KIF27: variants seen among roughly 807,000 people sequenced by gnomAD.
The protein encoded by KIF27 is kinesin-like protein KIF27.
KIF27 carries 84 observed loss-of-function variants against 141.8 expected under a neutral mutation model. The observed-to-expected ratio is 0.59, with a 90% CI of 0.50 to 0.71. KIF27 has a LOEUF of 0.71. Among genes scored for constraint, KIF27 ranks in the 30% least tolerant of loss-of-function variants. KIF27 has a pLI of 0.00. For synonymous variants in KIF27, 471 were observed against 569.5 expected (o/e 0.83, Z 2.46); for missense variants, 1,306 against 1,628.4 (o/e 0.80, Z 3.41).
chr9:83,839,165 T>TAA (rs202002804), intron 17 of KIF27, among the ~76,000 whole-genome samples: 2 of 148,782 alleles, frequency 1.3e-5, no homozygotes, highest in Non-Finnish European at 3.0e-5. Flanking sequence ...ACCCCAACTC[T>TAA]AAAAAAAAAA....
intron 3 of KIF27, among the ~76,000 whole-genome samples, chr9:83,906,740 T>G (rs1003356103): frequency 1.3e-4 from 16 of 120,132 alleles, no homozygotes; most frequent in African/African-American, 5.3e-4. Flanking sequence ...TAAGACCCTG[T>G]CTCCAAAAAA....
At chr9:83,878,731 T>C (rs1034098167) in intron 11 of KIF27, among the ~76,000 whole-genome samples, 1 of 152,186 alleles carries the variant, frequency 6.6e-6, no homozygotes, top group Non-Finnish European at 1.5e-5. Context: ...GATTAGAGAT[T>C]ACCAAGAGCT....
In KIF27 at chr9:83,848,139, G is replaced by C. The variant is rs1304539714; in HGVS notation, c.3556+1960C>G. Among the ~76,000 whole-genome samples the C allele has an allele frequency of 5.2e-5, 3 of 58,030 alleles. 1 individual carries two copies. The highest frequency in any genetic ancestry group is 2.1e-4 in the African/African-American group (2 of 9,500). The allele number at this position is 58,030 out of a possible 152,430, so 38.1% of individuals were successfully genotyped here. ...CTGATATATCTGATATCTCATATAT[G>C]ATATATCTGATATATCATATATGAT... On this transcript the variant is annotated intron_variant, in intron 16 of 17. Transcript: ENST00000297814.
chr9:83,899,762 G>C lies in KIF27; in HGVS notation c.1501C>G (p.Leu501Val). ...TGATTCTTCAGTTCCTTCACCTCCA[G>C]TTCCTTCTGATTAAATACTACTTCA... Reference protein sequence around the residue: ...ADEVVFNQKELEVKELKNQVQ... With the variant: ...ADEVVFNQKEVEVKELKNQVQ... The change falls in exon 5 of 18, where the codon CTG (leucine) becomes GTG (valine). Residue 501 changes from leucine to valine, a missense_variant. Around this residue, in one of 4 missense-constraint regions of KIF27, gnomAD observed 29 missense variants for 60.3 expected, o/e 0.48. Coordinates refer to ENST00000297814, the MANE Select transcript of KIF27 (RefSeq NM_017576.4). 2 of 1,613,498 alleles carry C rather than the reference G, an allele frequency of 1.2e-6. No homozygotes were observed. The highest frequency in any genetic ancestry group is 1.7e-6 in the Non-Finnish European group (2 of 1,179,624).
In KIF27 at chr9:83,837,360, C is replaced by T; in HGVS notation, c.3847G>A (p.Ala1283Thr). The T allele has an allele frequency of 6.2e-7, 1 of 1,609,730 alleles. No homozygotes were observed. Among genetic ancestry groups the T allele is most frequent in the Non-Finnish European group, 8.5e-7 (1 of 1,176,376 alleles). The change falls in exon 18 of 18, where the codon GCA becomes ACA. Residue 1283 changes from alanine (A) to threonine (T), a missense_variant. This residue lies in a region of KIF27 where 148 missense variants were observed against 250.9 expected (regional missense o/e 0.59). Transcript: ENST00000297814. Reference sequence around the variant, plus strand: ...TTTGGCTGTGTTCTTAAGCTGCTTGCTGAACTGTCCATTTCTCTTTCTCTT... The same window carrying T: ...TTTGGCTGTGTTCTTAAGCTGCTTGTTGAACTGTCCATTTCTCTTTCTCTT... ...SGREREMDSS[A>T]SSLRTQPNPQ...
chr9:83,842,448 G>A (rs754467403), intron 16 of KIF27, 47 bp from the exon 17 acceptor site: 3 of 1,465,350 alleles, frequency 2.0e-6, no homozygotes, highest in Admixed American at 2.7e-5. Flanking sequence ...AATAAATGAT[G>A]CAAAATTATG....
rs186821401 is a variant in KIF27, at chr9:83,850,869, G to T, written c.3358-572C>A. On this transcript the variant is annotated intron_variant, in intron 15 of 17. Coordinates refer to ENST00000297814, the MANE Select transcript of KIF27 (RefSeq NM_017576.4). The stretch of plus-strand genomic sequence containing the variant: ...TTTTTTTTTTTTTTTGAGGAGTCTC[G>T]CTCTGTCATCCAAGCTGGAGTGCAG... Among the ~76,000 whole-genome samples the T allele has an allele frequency of 2.2e-3, 229 of 102,232 alleles. 1 individual carries two copies. Among genetic ancestry groups the T allele is most frequent in the African/African-American group, 8.3e-3 (208 of 25,182 alleles). 67.1% of individuals were successfully genotyped at this position (102,232 alleles called of 152,430 possible).
intron 3 of KIF27, among the ~76,000 whole-genome samples, chr9:83,905,413 C>G (rs1320573506): frequency 6.6e-6 from 1 of 152,086 alleles, no homozygotes; most frequent in African/African-American, 2.4e-5. Context: ...CCACCGCACC[C>G]GGCCTATATC....
intron 2 of KIF27, among the ~76,000 whole-genome samples, chr9:83,912,315 C>A (rs1588313979): frequency 6.6e-6 from 1 of 152,126 alleles, no homozygotes; most frequent in Admixed American, 6.6e-5. Flanking sequence ...TCTGAAAATC[C>A]GAGTTTCCAT....
intron 5 of KIF27, among the ~76,000 whole-genome samples, chr9:83,896,465 C>T (rs1449209205): frequency 1.3e-5 from 2 of 151,416 alleles, no homozygotes; most frequent in East Asian, 3.8e-4. Context: ...TTTAAAGATT[C>T]CATTTATAGT....
intron 14 of KIF27, among the ~76,000 whole-genome samples, chr9:83,856,838 A>T (rs1428730705): frequency 1.3e-5 from 2 of 150,108 alleles, no homozygotes; most frequent in African/African-American, 4.9e-5. Flanking sequence ...TGAACCCAGG[A>T]GATGGAGGCA....
Position 83,887,048 on chromosome 9 carries a change from T to C in KIF27, c.2232A>G (p.Ile744Met), listed in dbSNP as rs1365995874. Residue 744 changes from isoleucine (I) to methionine (M), a missense_variant, in exon 9 of 18, where the codon ATA (isoleucine) becomes ATG (methionine). Ile to Met is a conservative substitution (Grantham distance 10). This residue lies in a region of KIF27 where 596 missense variants were observed against 751.6 expected (regional missense o/e 0.79). Transcript: ENST00000297814. The part of the protein sequence containing the change: ...KMKEDLIKEL[I>M]KTGNDAKSVS... ...TTCACAAGATACTATTACCTGTTTTTATTAATTCTTTAATCAGATCTTCCT... is the reference window on the plus strand; with the variant it reads ...TTCACAAGATACTATTACCTGTTTTCATTAATTCTTTAATCAGATCTTCCT... The C allele has an allele frequency of 6.3e-7, 1 of 1,578,772 alleles. No homozygotes were observed. The highest frequency in any genetic ancestry group is 2.0e-5 in the Admixed American group (1 of 49,526).
chr9:83,840,463 A>G (rs954573937), intron 17 of KIF27, among the ~76,000 whole-genome samples: 4 of 152,178 alleles, frequency 2.6e-5, no homozygotes, highest in African/African-American at 9.6e-5. Context: ...TTGTTTGGTT[A>G]AAGAGCAGGA....
chr9:83,890,204 G>A (rs1165699427), intron 6 of KIF27, among the ~76,000 whole-genome samples: 1 of 152,078 alleles, frequency 6.6e-6, no homozygotes, highest in Non-Finnish European at 1.5e-5. Flanking sequence ...AATCCTACCT[G>A]ATTCTGAAAA....
intron 5 of KIF27, among the ~76,000 whole-genome samples, chr9:83,894,216 G>C (rs775170994): frequency 1.4e-4 from 21 of 152,182 alleles, no homozygotes; most frequent in Non-Finnish European, 2.9e-4. Flanking sequence ...TCCAGGTATA[G>C]GGGGAATTAA....
At chr9:83,876,893 T>C (rs1296727343) in intron 11 of KIF27, among the ~76,000 whole-genome samples, 3 of 152,060 alleles carry the variant, frequency 2.0e-5, no homozygotes, top group Non-Finnish European at 2.9e-5. Context: ...CTGGGAAATA[T>C]AGCAAGACAC....
chr9:83,844,894 C>G (rs1947058526), intron 16 of KIF27, among the ~76,000 whole-genome samples: 2 of 152,148 alleles, frequency 1.3e-5, no homozygotes, highest in African/African-American at 4.8e-5. Context: ...CCTAGTGGGC[C>G]TATCTGGATT....
At chr9:83,904,104 C>T (rs1362257928) in intron 3 of KIF27, 86 bp from the exon 4 acceptor site, 28 of 892,008 alleles carry the variant, frequency 3.1e-5, no homozygotes, top group Non-Finnish European at 4.0e-5. Context: ...AACAGCCTGG[C>T]CAAGATAGTC....
chr9:83,842,741 CA>C (rs1414101048), intron 16 of KIF27, among the ~76,000 whole-genome samples: 3 of 152,172 alleles, frequency 2.0e-5, no homozygotes, highest in Non-Finnish European at 4.4e-5. Flanking sequence ...GCTGGGATTA[CA>C]GACATGAGCC....
Sources: allele counts gnomAD v4.1 joint callset (sites outside exome capture counted in the v4.1 genomes callset), GRCh38; gene constraint gnomAD v4.1.1; regional missense constraint gnomAD v4.1.1; transcripts MANE v1.5; gene names NCBI Gene and HGNC (gene_info 2026-07-23, HGNC 2026-07-21).